Variants in LEPR observed in about 807,000 individuals in gnomAD.
LEPR encodes the protein leptin receptor, also known as OB receptor.
LEPR carries 56 observed loss-of-function variants against 114.7 expected under a neutral mutation model. That is an observed-to-expected ratio of 0.49 (90% CI 0.39 to 0.61). LEPR has a LOEUF of 0.61. Among genes scored for constraint, LEPR ranks in the 20% least tolerant of loss-of-function variants. LEPR has a pLI of 0.00. For synonymous variants in LEPR, 443 were observed against 461.4 expected, an observed-to-expected ratio of 0.96 and a Z score of 0.51; for missense variants, 1,202 against 1,352.9, an observed-to-expected ratio of 0.89 and a Z score of 1.75.
chr1:65,506,727 CTG>C (rs1227835855), intron 2 of LEPR, among the ~76,000 whole-genome samples: 2 of 152,002 alleles, frequency 1.3e-5, no homozygotes, highest in Non-Finnish European at 2.9e-5. Flanking sequence ...CATGTATACT[CTG>C]TGGGATGATC....
At chr1:65,604,909 C>A in intron 10 of LEPR, 129 bp from the exon 11 acceptor site, 1 of 1,097,028 alleles carries the variant, frequency 9.1e-7, no homozygotes. Flanking sequence ...AAATTGTCTT[C>A]CATGAAACCG....
chr1:65,574,697 T>C (rs1236280364), intron 5 of LEPR, among the ~76,000 whole-genome samples: 3 of 152,240 alleles, frequency 2.0e-5, no homozygotes, highest in East Asian at 1.9e-4. Context: ...TGAATACATA[T>C]TGCCAAAATG....
At chr1:65,489,294 T>C (rs1647742373) in intron 2 of LEPR, among the ~76,000 whole-genome samples, 1 of 152,210 alleles carries the variant, frequency 6.6e-6, no homozygotes. Context: ...GTCTGTCTTT[T>C]GGATAAAAAC....
chr1:65,606,114 C>T (rs1158841106), intron 11 of LEPR, among the ~76,000 whole-genome samples: 1 of 152,026 alleles, frequency 6.6e-6, no homozygotes, highest in Admixed American at 6.6e-5. Context: ...TTAATTAATA[C>T]ACATTTGAAT....
chr1:65,515,262 G>A (rs1649230204), intron 2 of LEPR, among the ~76,000 whole-genome samples: 1 of 152,220 alleles, frequency 6.6e-6, no homozygotes, highest in Non-Finnish European at 1.5e-5. Flanking sequence ...GGTAAATTAA[G>A]TTGACAATAC....
chr1:65,427,764 T>C (rs1031593209), intron 2 of LEPR: 43 of 405,358 alleles, frequency 1.1e-4, no homozygotes, highest in African/African-American at 7.5e-4. Flanking sequence ...ATCTTTATTT[T>C]AATTTTTTGT....
intron 2 of LEPR, among the ~76,000 whole-genome samples, chr1:65,543,504 T>G (rs2100673559): frequency 6.6e-6 from 1 of 152,198 alleles, no homozygotes; most frequent in African/African-American, 2.4e-5. Flanking sequence ...TGGCTTTTGT[T>G]GCCATTGCTT....
At chr1:65,571,569 C>T (rs1290589896) in intron 4 of LEPR, among the ~76,000 whole-genome samples, 4 of 150,094 alleles carry the variant, frequency 2.7e-5, no homozygotes, top group Non-Finnish European at 5.9e-5. Context: ...CCCTTAAAAG[C>T]GTGATGATTG....
chr1:65,491,148 T>C (rs1263314977), intron 2 of LEPR, among the ~76,000 whole-genome samples: 1 of 152,154 alleles, frequency 6.6e-6, no homozygotes, highest in Non-Finnish European at 1.5e-5. Flanking sequence ...TGCTTCCATT[T>C]CCTTACTACA....
chr1:65,519,107 C>CCT (rs1649492922), intron 2 of LEPR, among the ~76,000 whole-genome samples: 1 of 120,532 alleles, frequency 8.3e-6, no homozygotes, highest in African/African-American at 3.3e-5. Flanking sequence ...CTGTGTCTCT[C>CCT]TCTCCTTCCT....
chr1:65,466,057 A>G (rs1028863714), intron 2 of LEPR, among the ~76,000 whole-genome samples: 1 of 152,116 alleles, frequency 6.6e-6, no homozygotes, highest in Non-Finnish European at 1.5e-5. Flanking sequence ...TTTGAATTTG[A>G]TCCTATCATT....
intron 8 of LEPR, among the ~76,000 whole-genome samples, 169 bp from the exon 9 acceptor site, chr1:65,601,223 G>A (rs1311505582): frequency 6.6e-6 from 1 of 151,936 alleles, no homozygotes; most frequent in Non-Finnish European, 1.5e-5. Context: ...CGGGACACTA[G>A]ATAACTGTAC....
intron 2 of LEPR, among the ~76,000 whole-genome samples, chr1:65,468,598 A>C (rs952584720): frequency 3.9e-5 from 6 of 152,154 alleles, no homozygotes; most frequent in Non-Finnish European, 8.8e-5. Flanking sequence ...GTGTGGGAGG[A>C]GAGAGATGAC....
intron 2 of LEPR, among the ~76,000 whole-genome samples, chr1:65,546,143 C>T (rs1651697146): frequency 1.3e-5 from 2 of 152,158 alleles, no homozygotes; most frequent in African/African-American, 2.4e-5. Context: ...TTTCTGAGGG[C>T]TCTGTTCTAT....
At chr1:65,449,780 T>G (rs532551757) in intron 2 of LEPR, among the ~76,000 whole-genome samples, 6 of 152,194 alleles carry the variant, frequency 3.9e-5, no homozygotes, top group Non-Finnish European at 5.9e-5. Flanking sequence ...ATTTTTATTA[T>G]TTCTTATTCT....
intron 2 of LEPR, among the ~76,000 whole-genome samples, chr1:65,470,446 G>C (rs1406394130): frequency 6.6e-6 from 1 of 152,146 alleles, no homozygotes; most frequent in Non-Finnish European, 1.5e-5. Context: ...AGTTCTGCCT[G>C]GTGAGTAGCT....
chr1:65,590,932 C>G (rs1306909308), intron 5 of LEPR, among the ~76,000 whole-genome samples: 1 of 150,220 alleles, frequency 6.7e-6, no homozygotes, highest in Non-Finnish European at 1.5e-5. Flanking sequence ...GGTCATTGAT[C>G]TGAGACTTTT....
rs1050677633 is a variant in LEPR, at chr1:65,638,333, T to C, written c.*1318T>C. Reference sequence around the variant, plus strand: ...AACAACTTAAGATTAATACATAAGTTTATTATTTATTCAACTTTTGGTACG... The same window carrying C: ...AACAACTTAAGATTAATACATAAGTCTATTATTTATTCAACTTTTGGTACG... On this transcript the variant is annotated 3_prime_UTR_variant, in exon 20 of 20. Transcript: ENST00000349533. 6.6e-6 allele frequency: 1 copy of C among 152,210 alleles called. No homozygotes were observed. Among genetic ancestry groups the C allele is most frequent in the Non-Finnish European group, 1.5e-5 (1 of 68,042 alleles). 9.4% of individuals were successfully genotyped at this position (152,210 alleles called of 1,614,324 possible).
At chr1:65,576,894 C>A in intron 5 of LEPR, 1 of 345,898 alleles carries the variant, frequency 2.9e-6, no homozygotes. Flanking sequence ...TTCTCCTCTC[C>A]AGATATCCAT....
Sources: allele counts gnomAD v4.1 joint callset (sites outside exome capture counted in the v4.1 genomes callset), GRCh38; gene constraint gnomAD v4.1.1; transcripts MANE v1.5; gene names NCBI Gene and HGNC (gene_info 2026-07-23, HGNC 2026-07-21).